The following SLC12A1 variants were observed in gnomAD, a reference collection of about 807,000 sequenced individuals.
The protein encoded by SLC12A1 is solute carrier family 12 member 1.
Under a neutral mutation model 130.4 loss-of-function variants are expected in SLC12A1, and 89 were observed. The observed-to-expected ratio is 0.68, with a 90% CI of 0.58 to 0.81. The LOEUF (loss-of-function observed/expected upper bound fraction) is 0.81, where lower values mean the gene tolerates loss of function less well. Ranked by LOEUF, SLC12A1 falls within the 40% of genes least tolerant of loss-of-function variation. The pLI, the probability that SLC12A1 is intolerant of heterozygous loss-of-function variation, is 0.00. For synonymous variants in SLC12A1, 499 were observed against 460.0 expected, an observed-to-expected ratio of 1.08 and a Z score of -1.09; for missense variants, 1,310 against 1,336.4, an observed-to-expected ratio of 0.98 and a Z score of 0.31.
At chr15:48,226,249 C>T (rs1597405555) in intron 4 of SLC12A1, 2 of 464,338 alleles carry the variant, frequency 4.3e-6, no homozygotes, top group Admixed American at 9.0e-5. Flanking sequence ...TCCAAGTCTG[C>T]ACTTTCGATT....
chr15:48,223,757 G>A (rs2041246684), intron 4 of SLC12A1: 1 of 152,194 alleles, frequency 6.6e-6, no homozygotes, highest in African/African-American at 2.4e-5. Flanking sequence ...AAGCCACATA[G>A]TGATACAGAG....
intron 15 of SLC12A1, 35 bp downstream of exon 15, chr15:48,251,805 ATCTCTC>A (rs760949579): frequency 1.3e-6 from 2 of 1,593,640 alleles, no homozygotes; most frequent in East Asian, 4.5e-5. Flanking sequence ...GCGTTTCCAA[ATCTCTC>A]TCTAACTACT....
At chr15:48,212,877 A>G (rs2041070347) in intron 2 of SLC12A1, among the ~76,000 whole-genome samples, 1 of 152,234 alleles carries the variant, frequency 6.6e-6, no homozygotes, top group Non-Finnish European at 1.5e-5. Context: ...ACAACTACAA[A>G]TAATTCGTAA....
intron 26 of SLC12A1, among the ~76,000 whole-genome samples, chr15:48,302,078 G>C (rs1174574842): frequency 6.6e-6 from 1 of 152,030 alleles, no homozygotes; most frequent in East Asian, 1.9e-4. Flanking sequence ...CCAATAGATG[G>C]TTTCTGAGGT....
At chr15:48,240,848 G>T (rs1666766896) in intron 9 of SLC12A1, among the ~76,000 whole-genome samples, 1 of 152,036 alleles carries the variant, frequency 6.6e-6, no homozygotes, top group African/African-American at 2.4e-5. Context: ...GATATACAAT[G>T]GTAAATTAAG....
At chr15:48,232,626 T>G (rs2041394612) in intron 7 of SLC12A1, 101 bp from the exon 8 acceptor site, 2 of 774,590 alleles carry the variant, frequency 2.6e-6, no homozygotes, top group Admixed American at 1.9e-5. Flanking sequence ...AACTGAAATA[T>G]CAGATAGAGT....
chr15:48,301,511 G>GGGGGGGGGCC, intron 26 of SLC12A1, 129 bp downstream of exon 26: 3 of 478,130 alleles, frequency 6.3e-6, no homozygotes, highest in East Asian at 1.1e-4. Flanking sequence ...TTGGGGGGGG[G>GGGGGGGGGCC]AACACGTGGG....
At chr15:48,227,117 A>G (rs943975965) in intron 5 of SLC12A1, 5 of 1,552,134 alleles carry the variant, frequency 3.2e-6, no homozygotes, top group Non-Finnish European at 4.4e-6. Flanking sequence ...TGTGGTAGTA[A>G]CGACACTCAC....
intron 2 of SLC12A1, among the ~76,000 whole-genome samples, chr15:48,215,869 C>T (rs867981651): frequency 2.6e-5 from 4 of 152,158 alleles, no homozygotes; most frequent in South Asian, 2.1e-4. Flanking sequence ...TATTCAAGCA[C>T]GGTTAAACAC....
At chr15:48,298,589 C>T (rs771232033) in intron 24 of SLC12A1, among the ~76,000 whole-genome samples, 19 of 152,210 alleles carry the variant, frequency 1.2e-4, no homozygotes, top group Non-Finnish European at 2.5e-4. Flanking sequence ...CCAAATTGTT[C>T]TACAATCATT....
rs1597456429 is a variant in SLC12A1, at chr15:48,288,413, C to T, written c.2770C>T (p.Leu924Phe). 6.8e-7 allele frequency: 1 copy of T among 1,474,550 alleles called. No individual in the cohort carries two copies. The highest frequency in any genetic ancestry group is 2.0e-5 in the Admixed American group (1 of 50,926). 91.3% of individuals were successfully genotyped at this position (1,474,550 alleles called of 1,614,324 possible). The change falls in exon 23 of 27, where the codon CTT becomes TTT. Residue 924 changes from leucine to phenylalanine, a missense_variant. Physicochemically the swap from Leu to Phe is conservative, Grantham distance 22 (BLOSUM62 0). Coordinates refer to ENST00000380993, the MANE Select transcript of SLC12A1 (RefSeq NM_000338.3). ...TTTATTCTTTATTCCAGGGTTAACACTTCTTATCCCCTATATCTTAACTCT... is the reference window on the plus strand; with the variant it reads ...TTTATTCTTTATTCCAGGGTTAACATTTCTTATCCCCTATATCTTAACTCT... ...WWLFDDGGLT[L>F]LIPYILTLRK...
intron 20 of SLC12A1, among the ~76,000 whole-genome samples, chr15:48,279,229 A>C (rs1408557750): frequency 6.6e-6 from 1 of 152,226 alleles, no homozygotes; most frequent in Non-Finnish European, 1.5e-5. Flanking sequence ...GAAGAAATAA[A>C]CTTGCATTTC....
In SLC12A1 at chr15:48,238,140, T is replaced by C. The variant is rs142108574; in HGVS notation, c.1215+3136T>C. On this transcript the variant is annotated intron_variant, in intron 9 of 26. Transcript: ENST00000380993. ...CTCTACTTTATTACAAGCAATGCCT[T>C]CTGATATTCTCACATCAGTTCTATT... 7.4e-3 allele frequency among the ~76,000 whole-genome samples: 1,123 copies of C among 152,366 alleles called. 17 individuals carry two copies. The highest frequency in any genetic ancestry group is 0.026 in the African/African-American group (1,078 of 41,582).
Position 48,244,808 on chromosome 15 carries a change from G to A in SLC12A1, c.1356G>A (p.Gly452=), listed in dbSNP as rs868811974. 1 of 1,613,938 alleles carries A rather than the reference G, an allele frequency of 6.2e-7. No homozygotes were observed. Among genetic ancestry groups the A allele is most frequent in the Non-Finnish European group, 8.5e-7 (1 of 1,179,862 alleles). The change falls in exon 11 of 27, where the codon GGG becomes GGA. Residue 452 remains glycine, a synonymous_variant. Coordinates refer to ENST00000380993, the MANE Select transcript of SLC12A1 (RefSeq NM_000338.3). ...TGNMNDTIIS[G]MNCNGSAACG... ...ACATGAATGACACCATCATTTCTGGGATGAACTGCAATGGTTCAGCAGCAT... is the reference window on the plus strand; with the variant it reads ...ACATGAATGACACCATCATTTCTGGAATGAACTGCAATGGTTCAGCAGCAT...
At chr15:48,238,143 G>A (rs2041460506) in intron 9 of SLC12A1, among the ~76,000 whole-genome samples, 1 of 152,214 alleles carries the variant, frequency 6.6e-6, no homozygotes, top group East Asian at 1.9e-4. Flanking sequence ...AATGCCTTCT[G>A]ATATTCTCAC....
At chr15:48,293,979 C>T (rs915227059) in intron 24 of SLC12A1, among the ~76,000 whole-genome samples, 1 of 150,466 alleles carries the variant, frequency 6.6e-6, no homozygotes, top group Non-Finnish European at 1.5e-5. Context: ...GTCAAGGCTG[C>T]AGTGAGCCAT....
intron 2 of SLC12A1, among the ~76,000 whole-genome samples, chr15:48,210,962 C>T (rs78299266): frequency 3.9e-5 from 6 of 152,086 alleles, no homozygotes; most frequent in African/African-American, 1.4e-4. Flanking sequence ...TATTGTATCA[C>T]TTTTGAAGAC....
At chr15:48,235,097 C>T (rs760826886) in intron 9 of SLC12A1, 93 bp downstream of exon 9, 2 of 1,273,454 alleles carry the variant, frequency 1.6e-6, no homozygotes, top group South Asian at 1.2e-5. Context: ...GACCATATTA[C>T]CCTACAGATT....
intron 24 of SLC12A1, 24 bp from the exon 25 acceptor site, chr15:48,299,116 C>T (rs924815481): frequency 3.8e-6 from 6 of 1,589,382 alleles, no homozygotes; most frequent in Non-Finnish European, 5.1e-6. Context: ...CACTGTGAGG[C>T]CTCCTTTATA....
Sources: gnomAD v4.1 joint callset for allele counts (sites outside exome capture counted in the v4.1 genomes callset) on GRCh38, gnomAD v4.1.1 for gene constraint, MANE v1.5 for transcripts, NCBI Gene and HGNC (gene_info 2026-07-23, HGNC 2026-07-21) for gene names.